The following GXYLT2 variants were observed in gnomAD, a reference collection of about 807,000 sequenced individuals.
The protein encoded by GXYLT2 is glycosyltransferase 8 domain containing 4.
GXYLT2 carries 53 observed loss-of-function variants against 45.8 expected under a neutral mutation model. That is an observed-to-expected ratio of 1.16 (90% CI 0.93 to 1.46). The LOEUF (loss-of-function observed/expected upper bound fraction) is 1.46, where lower values mean the gene tolerates loss of function less well. Ranked by LOEUF, GXYLT2 falls within the 40% of genes most tolerant of loss-of-function variation. GXYLT2 has a pLI of 0.00. For missense variants in GXYLT2, 551 were observed against 544.4 expected (o/e 1.01, Z -0.12); for synonymous variants, 219 against 214.2 (o/e 1.02, Z -0.19).
chr3:72,919,363 A>G (rs1360966804), intron 2 of GXYLT2, among the ~76,000 whole-genome samples: 1 of 152,264 alleles, frequency 6.6e-6, no homozygotes, highest in Non-Finnish European at 1.5e-5. Flanking sequence ...CTAAATGCAT[A>G]TTGCTAAATG....
At chr3:72,931,866 C>G (rs1378451730) in intron 3 of GXYLT2, among the ~76,000 whole-genome samples, 1 of 151,926 alleles carries the variant, frequency 6.6e-6, no homozygotes, top group Non-Finnish European at 1.5e-5. Flanking sequence ...AAAAGATCAA[C>G]AAAATTGACA....
At chr3:72,909,516 C>G (rs2107082057) in intron 2 of GXYLT2, among the ~76,000 whole-genome samples, 1 of 152,162 alleles carries the variant, frequency 6.6e-6, no homozygotes, top group Middle Eastern at 3.4e-3. Context: ...TGTTGTGGAA[C>G]TTGCTTTTTG....
intron 2 of GXYLT2, among the ~76,000 whole-genome samples, chr3:72,915,072 G>C (rs1167917521): frequency 6.6e-6 from 1 of 151,942 alleles, no homozygotes; most frequent in Non-Finnish European, 1.5e-5. Context: ...AGAATCGCTT[G>C]AACCCGGGAG....
chr3:72,909,258 G>A (rs373495083), intron 2 of GXYLT2, among the ~76,000 whole-genome samples: 56 of 150,638 alleles, frequency 3.7e-4, no homozygotes, highest in African/African-American at 1.3e-3. Context: ...TAGTAGAGAT[G>A]GGGGTCTCAC....
At position 72,955,099 on chromosome 3, in the gene GXYLT2, TG is replaced by T. The variant is rs764470564; in HGVS notation, c.603del (p.Ile202PhefsTer2). 1 of 1,613,588 alleles carries T rather than the reference TG, an allele frequency of 6.2e-7. No individual in the cohort carries two copies. Among genetic ancestry groups the T allele is most frequent in the East Asian group, 2.2e-5 (1 of 44,874 alleles). ...PCAAQRLFLP[V>X]ILKDVDSLLY... ...TACACCCACTCCTTACACACAAAGG[TG>T]ATTTTAAAGGATGTGGACTCACTTC... On this transcript the variant is annotated frameshift_variant and splice_region_variant, in exon 4 of 7. Coordinates refer to ENST00000389617, the MANE Select transcript of GXYLT2 (RefSeq NM_001080393.2). LOFTEE classifies it high-confidence loss of function.
intron 3 of GXYLT2, among the ~76,000 whole-genome samples, chr3:72,953,935 A>G (rs924403739): frequency 4.6e-5 from 7 of 151,966 alleles, no homozygotes; most frequent in African/African-American, 1.2e-4. Context: ...CTCCACAAAT[A>G]ATTTAAAAAG....
At chr3:72,915,767 A>C (rs1338329193) in intron 2 of GXYLT2, among the ~76,000 whole-genome samples, 1 of 151,742 alleles carries the variant, frequency 6.6e-6, no homozygotes, top group Non-Finnish European at 1.5e-5. Flanking sequence ...TAGGAGGCAG[A>C]GGTTGCAGTG....
rs1046679178 is a variant in GXYLT2, at chr3:72,895,826, A to G, written c.275+7318A>G. On this transcript the variant is annotated intron_variant, in intron 1 of 6. Transcript: ENST00000389617. ...TGCTGATTTTGTGCCAGAAAAGAGT[A>G]ACCTTGATATATTTCAAGTGACTTT... is the stretch of plus-strand genomic sequence containing the variant. Among the ~76,000 whole-genome samples, 23 of 152,370 alleles carry G rather than the reference A, an allele frequency of 1.5e-4. 1 individual carries two copies. Among genetic ancestry groups the G allele is most frequent in the Non-Finnish European group, 2.5e-4 (17 of 68,030 alleles).
rs1242584748 is a variant in GXYLT2, at chr3:72,941,718, TTAAA to T, written c.601-13373_601-13370del. On this transcript the variant is annotated intron_variant, in intron 3 of 6. Transcript: ENST00000389617. ...AGTGTCAATGTGGACTCATGTTTTT[TTAAA>T]TAAATATATAGGTACAGATAAGTAA... is the stretch of plus-strand genomic sequence containing the variant. Among the ~76,000 whole-genome samples, 3 of 152,110 alleles carry T rather than the reference TTAAA, an allele frequency of 2.0e-5. No individual in the cohort carries two copies. In the East Asian group the frequency reaches 5.8e-4, roughly 29 times the overall value.
chr3:72,945,745 G>A (rs1710391267), intron 3 of GXYLT2, among the ~76,000 whole-genome samples: 1 of 152,192 alleles, frequency 6.6e-6, no homozygotes, highest in Non-Finnish European at 1.5e-5. Flanking sequence ...AACAGCAGGA[G>A]CTCCCTGAAG....
chr3:72,955,056 C>G, intron 3 of GXYLT2, 42 bp from the exon 4 acceptor site: 4 of 1,591,832 alleles, frequency 2.5e-6, no homozygotes, highest in Non-Finnish European at 3.4e-6. Context: ...GTTTTGTTTT[C>G]TTCCCTCCTC....
chr3:72,911,164 C>T (rs766090233), intron 2 of GXYLT2, among the ~76,000 whole-genome samples: 20 of 152,132 alleles, frequency 1.3e-4, no homozygotes, highest in Middle Eastern at 3.4e-3. Context: ...TAGTGGAGTG[C>T]GCCATAGTCC....
chr3:72,968,598 A>T (rs537912461), intron 6 of GXYLT2, among the ~76,000 whole-genome samples: 6 of 152,376 alleles, frequency 3.9e-5, no homozygotes, highest in African/African-American at 1.4e-4. Flanking sequence ...TACAGCACAC[A>T]TGGCAGGAAC....
chr3:72,941,335 C>T, intron 3 of GXYLT2, among the ~76,000 whole-genome samples: 1 of 152,106 alleles, frequency 6.6e-6, no homozygotes, highest in Non-Finnish European at 1.5e-5. Context: ...TCCTAGAGTC[C>T]CTGTTGCAGA....
intron 2 of GXYLT2, among the ~76,000 whole-genome samples, chr3:72,918,518 G>A (rs1442733403): frequency 6.6e-6 from 1 of 151,994 alleles, no homozygotes; most frequent in Non-Finnish European, 1.5e-5. Flanking sequence ...CAACGGGAAG[G>A]CATTAACTCA....
At chr3:72,897,524 G>A (rs1709317892) in intron 1 of GXYLT2, among the ~76,000 whole-genome samples, 1 of 152,176 alleles carries the variant, frequency 6.6e-6, no homozygotes, top group Admixed American at 6.5e-5. Context: ...TACAGCTGGT[G>A]GGGTGAGGGG....
At chr3:72,921,644 G>C (rs1367214785) in intron 2 of GXYLT2, among the ~76,000 whole-genome samples, 2 of 151,958 alleles carry the variant, frequency 1.3e-5, no homozygotes, top group Non-Finnish European at 2.9e-5. Flanking sequence ...GGCCAGGCTG[G>C]TCTCAAACTT....
At chr3:72,902,689 T>A (rs13062803) in intron 1 of GXYLT2, among the ~76,000 whole-genome samples, 42,152 of 147,002 alleles carry the variant, frequency 0.29, 6,341 homozygotes, top group Non-Finnish European at 0.34. Flanking sequence ...AATAAATAAA[T>A]AAAATAAATA....
chr3:72,929,043 T>C, intron 3 of GXYLT2: 1 of 1,561,348 alleles, frequency 6.4e-7, no homozygotes, highest in African/African-American at 1.3e-5. Flanking sequence ...GCCGCCGCCG[T>C]GACGACCGCG....
Sources: allele counts gnomAD v4.1 joint callset (sites outside exome capture counted in the v4.1 genomes callset), GRCh38; gene constraint gnomAD v4.1.1; transcripts MANE v1.5; gene names NCBI Gene and HGNC (gene_info 2026-07-23, HGNC 2026-07-21).